The following CCDC178 variants were observed in gnomAD, a reference collection of about 807,000 sequenced individuals.
CCDC178 encodes the protein coiled-coil domain containing 178.
In CCDC178, 126 loss-of-function variants were observed where a neutral mutation model predicts 117.4. The observed-to-expected ratio is 1.07, with a 90% CI of 0.93 to 1.24. The LOEUF (loss-of-function observed/expected upper bound fraction) is 1.24, where lower values mean the gene tolerates loss of function less well. CCDC178 is among the 50% of genes most tolerant of loss of function. CCDC178 has a pLI of 0.00. For synonymous variants in CCDC178, 283 were observed against 313.4 expected (o/e 0.90, Z 1.02); for missense variants, 1,030 against 986.9 (o/e 1.04, Z -0.59).
At chr18:32,962,644 C>CT (rs1315117154) in intron 22 of CCDC178, among the ~76,000 whole-genome samples, 1 of 151,732 alleles carries the variant, frequency 6.6e-6, no homozygotes, top group Non-Finnish European at 1.5e-5. Context: ...GTTTCTTTTC[C>CT]TCTGGCTGTT....
intron 20 of CCDC178, among the ~76,000 whole-genome samples, chr18:33,179,087 A>ATATATATATATATAAAC (rs2058700166): frequency 1.0e-5 from 1 of 95,524 alleles, no homozygotes; most frequent in Non-Finnish European, 1.9e-5. Context: ...AAATATATAT[A>ATATATATATATATAAAC]TATATATATA....
intron 2 of CCDC178, among the ~76,000 whole-genome samples, chr18:33,437,395 C>G (rs1413638592): frequency 1.3e-5 from 2 of 152,122 alleles, no homozygotes; most frequent in Non-Finnish European, 2.9e-5. Flanking sequence ...TCTGTTCAAC[C>G]ATATTGTTGC....
At chr18:33,268,562 A>G (rs1568102903) in intron 12 of CCDC178, among the ~76,000 whole-genome samples, 1 of 151,898 alleles carries the variant, frequency 6.6e-6, no homozygotes, top group Non-Finnish European at 1.5e-5. Context: ...ATCTTGGGCT[A>G]AAGGAGAGTG....
intron 3 of CCDC178, among the ~76,000 whole-genome samples, chr18:33,411,761 C>T (rs2144897789): frequency 6.6e-6 from 1 of 152,172 alleles, no homozygotes; most frequent in East Asian, 1.9e-4. Context: ...TTACAGCACA[C>T]CATTGTTGTA....
chr18:33,176,507 C>T (rs888629866), intron 20 of CCDC178, among the ~76,000 whole-genome samples: 9 of 152,140 alleles, frequency 5.9e-5, no homozygotes, highest in Non-Finnish European at 1.0e-4. Flanking sequence ...ACTGTCTTAG[C>T]TTCTCCTGTC....
intron 9 of CCDC178, among the ~76,000 whole-genome samples, chr18:33,344,803 G>GCACACACACACA (rs63067861): frequency 1.7e-5 from 2 of 120,844 alleles, no homozygotes; most frequent in African/African-American, 6.4e-5. Flanking sequence ...TGCCTCTAAA[G>GCACACACACACA]CACACACACA....
At chr18:33,396,948 C>G (rs2063645693) in intron 4 of CCDC178, among the ~76,000 whole-genome samples, 1 of 152,038 alleles carries the variant, frequency 6.6e-6, no homozygotes, top group Non-Finnish European at 1.5e-5. Context: ...AAAGGAAACA[C>G]AGGAAATGGA....
At chr18:33,243,881 A>T (rs1223562429) in intron 15 of CCDC178, among the ~76,000 whole-genome samples, 6 of 151,994 alleles carry the variant, frequency 3.9e-5, no homozygotes. Flanking sequence ...AAGAAAAAAA[A>T]ATTAACTGAC....
intron 11 of CCDC178, among the ~76,000 whole-genome samples, chr18:33,315,518 T>C (rs1360886728): frequency 6.6e-6 from 1 of 152,128 alleles, no homozygotes; most frequent in East Asian, 1.9e-4. Context: ...TCTCCTAAAC[T>C]CTCTGATCTC....
chr18:33,027,979 G>T lies in CCDC178; in HGVS notation c.2389-53298C>A, dbSNP rs75022878. Among the ~76,000 whole-genome samples, 21 of 151,776 alleles carry T rather than the reference G, an allele frequency of 1.4e-4. 1 individual carries two copies. The East Asian group carries it at 4.1e-3, about 29-fold the overall frequency. ...ATATTTAGAAATAAATCTTAATGAA[G>T]AATATTACATTTATACTTTTACAAT... On this transcript the variant is annotated intron_variant, in intron 21 of 22. Coordinates refer to ENST00000383096, the MANE Select transcript of CCDC178 (RefSeq NM_001105528.4).
chr18:33,107,479 A>G (rs911124355), intron 20 of CCDC178, among the ~76,000 whole-genome samples: 2 of 151,588 alleles, frequency 1.3e-5, no homozygotes, highest in African/African-American at 2.4e-5. Flanking sequence ...AAAATTTCCT[A>G]AAGATAAAAA....
chr18:33,399,767 T>C (rs1223883783), intron 3 of CCDC178, among the ~76,000 whole-genome samples: 2 of 152,198 alleles, frequency 1.3e-5, no homozygotes, highest in East Asian at 3.8e-4. Context: ...CCAGGAGACT[T>C]GGAAGCAACT....
At chr18:33,024,717 C>T (rs1394763817) in intron 21 of CCDC178, among the ~76,000 whole-genome samples, 2 of 151,780 alleles carry the variant, frequency 1.3e-5, no homozygotes, top group Non-Finnish European at 2.9e-5. Context: ...GATCTCGGCT[C>T]ACTGCAAGCT....
At chr18:33,425,906 G>A (rs997991230) in intron 2 of CCDC178, among the ~76,000 whole-genome samples, 2 of 152,140 alleles carry the variant, frequency 1.3e-5, no homozygotes, top group African/African-American at 4.8e-5. Flanking sequence ...ATGCAGAGAT[G>A]TTCCTGATAT....
chr18:32,943,954 C>A (rs986050107), intron 22 of CCDC178, among the ~76,000 whole-genome samples: 1 of 152,286 alleles, frequency 6.6e-6, no homozygotes, highest in Middle Eastern at 3.4e-3. Context: ...TTGTAAGTCA[C>A]CTTTCTCTTT....
intron 11 of CCDC178, among the ~76,000 whole-genome samples, chr18:33,322,048 G>A (rs1159437771): frequency 6.6e-6 from 1 of 151,748 alleles, no homozygotes; most frequent in East Asian, 1.9e-4. Flanking sequence ...TAATGATAAG[G>A]AGGTTAATTG....
At chr18:33,287,217 A>G (rs560822300) in intron 12 of CCDC178, among the ~76,000 whole-genome samples, 14 of 152,306 alleles carry the variant, frequency 9.2e-5, no homozygotes, top group African/African-American at 2.4e-4. Flanking sequence ...CAAATCTTCT[A>G]TTTTTCTCTT....
chr18:33,202,998 A>C (rs2059010123), intron 20 of CCDC178, among the ~76,000 whole-genome samples: 1 of 152,150 alleles, frequency 6.6e-6, no homozygotes, highest in South Asian at 2.1e-4. Context: ...ATATTCTTTT[A>C]GGAGGTTTTG....
At chr18:33,040,779 A>G (rs915928812) in intron 21 of CCDC178, among the ~76,000 whole-genome samples, 1 of 151,962 alleles carries the variant, frequency 6.6e-6, no homozygotes, top group African/African-American at 2.4e-5. Flanking sequence ...AAATCCCTAC[A>G]TGCAGGAACT....
Sources: gnomAD v4.1 joint callset for allele counts (sites outside exome capture counted in the v4.1 genomes callset) on GRCh38, gnomAD v4.1.1 for gene constraint, MANE v1.5 for transcripts, NCBI Gene and HGNC (gene_info 2026-07-23, HGNC 2026-07-21) for gene names.